Variants in KATNIP observed in about 807,000 individuals in gnomAD.
KATNIP encodes the protein katanin interacting protein, also known as katanin-interacting protein.
In KATNIP, 126 loss-of-function variants were observed where a neutral mutation model predicts 174.0. That is an observed-to-expected ratio of 0.72 (90% CI 0.63 to 0.84). The LOEUF is 0.84. Ranked by LOEUF, KATNIP falls within the 40% of genes least tolerant of loss-of-function variation. KATNIP has a pLI of 0.00. For synonymous variants in KATNIP, 810 were observed against 835.7 expected, an observed-to-expected ratio of 0.97 and a Z score of 0.53; for missense variants, 1,958 against 2,109.7, an observed-to-expected ratio of 0.93 and a Z score of 1.41.
chr16:27,751,985 G>A (rs1360757290), intron 17 of KATNIP, 61 bp downstream of exon 17: 4 of 1,359,364 alleles, frequency 2.9e-6, no homozygotes, highest in Non-Finnish European at 4.0e-6. Context: ...CCCTAACTCA[G>A]AGTAGAGCAG....
intron 2 of KATNIP, among the ~76,000 whole-genome samples, chr16:27,597,258 A>T (rs886195): frequency 0.81 from 122,813 of 151,934 alleles, 49,833 homozygotes; most frequent in East Asian, 1. Context: ...TGCTAATCCC[A>T]CCCCTCCCTA....
chr16:27,727,450 G>A (rs2080493513), intron 14 of KATNIP: 1 of 152,768 alleles, frequency 6.5e-6, no homozygotes, highest in African/African-American at 2.4e-5. Flanking sequence ...TTACAGGCGT[G>A]AGCCACCACG....
At chr16:27,721,746 T>C (rs771538776) in intron 14 of KATNIP, 51 bp downstream of exon 14, 1 of 1,591,008 alleles carries the variant, frequency 6.3e-7, no homozygotes, top group Non-Finnish European at 8.6e-7. Flanking sequence ...ATGGAAGCAC[T>C]TAGCAGTTTG....
At chr16:27,667,387 G>A (rs776069877) in intron 6 of KATNIP, among the ~76,000 whole-genome samples, 1 of 152,088 alleles carries the variant, frequency 6.6e-6, no homozygotes, top group East Asian at 1.9e-4. Flanking sequence ...TAACTCTTCA[G>A]TGCTGGGTAA....
rs538934615 is a variant in KATNIP at position 27,769,875 on chromosome 16, C to T, written c.3990C>T (p.His1330=). ...TTGTTTGCCAGGCCAAGATTGTCCACGTCTCCCTGGATGGCCTGTGCGTCT... is the reference window on the plus strand; with the variant it reads ...TTGTTTGCCAGGCCAAGATTGTCCATGTCTCCCTGGATGGCCTGTGCGTCT... ...EDTYRGAKIV[H]VSLDGLCVSP... Residue 1330 remains histidine, a synonymous_variant, in exon 21 of 28, where the codon CAC becomes CAT. Transcript: ENST00000261588. 21 of 1,613,942 alleles carry T rather than the reference C, an allele frequency of 1.3e-5. No individual in the cohort carries two copies. The East Asian group carries it at 2.9e-4, about 22-fold the overall frequency.
rs1335967283 is a variant in KATNIP, at chr16:27,714,360, A to G, written c.1605+5440A>G. 3.3e-5 allele frequency among the ~76,000 whole-genome samples: 5 copies of G among 152,070 alleles called. No individual in the cohort carries two copies. The East Asian group carries it at 9.6e-4, about 29-fold the overall frequency. ...CCCAGTACATAAAAATGTGCCATAT[A>G]TATTTTTTTGTTTTTTTAAACAGAA... is the stretch of plus-strand genomic sequence containing the variant. On this transcript the variant is annotated intron_variant, in intron 13 of 27. Transcript: ENST00000261588.
At chr16:27,671,791 C>T (rs1345560060) in intron 6 of KATNIP, among the ~76,000 whole-genome samples, 1 of 152,152 alleles carries the variant, frequency 6.6e-6, no homozygotes, top group Non-Finnish European at 1.5e-5. Flanking sequence ...CGCAGTGGCT[C>T]GCGCCTGTAA....
chr16:27,569,940 G>T (rs1033470041), intron 1 of KATNIP, among the ~76,000 whole-genome samples: 1 of 151,992 alleles, frequency 6.6e-6, no homozygotes, highest in Admixed American at 6.6e-5. Flanking sequence ...TAGAGACAAG[G>T]TCTTGCTATG....
chr16:27,621,073 A>C (rs2076179991), intron 3 of KATNIP, among the ~76,000 whole-genome samples: 1 of 152,136 alleles, frequency 6.6e-6, no homozygotes, highest in Admixed American at 6.5e-5. Context: ...CTAAGGCAGG[A>C]GGATCGCTTG....
rs1597421576 is a variant in KATNIP at position 27,771,450 on chromosome 16, T to C, written c.4134-138T>C. On this transcript the variant is annotated intron_variant, in intron 21 of 27. Transcript: ENST00000261588. Reference sequence around the variant, plus strand: ...CGGGAACTCCACACGAGCAGGGGCCTCATCTCTCTTTTCCCTGCTGCATCC... The same window carrying C: ...CGGGAACTCCACACGAGCAGGGGCCCCATCTCTCTTTTCCCTGCTGCATCC... The C allele has an allele frequency of 5.7e-6, 4 of 706,370 alleles. No homozygotes were observed. The East Asian group carries it at 1.1e-4, about 20-fold the overall frequency. The allele number at this position is 706,370 out of a possible 1,614,324, so 43.8% of individuals were successfully genotyped here. A position where few individuals can be genotyped will look rare whatever the true frequency, so the allele number is the denominator to read the frequency against.
chr16:27,763,795 C>G (rs2082033770), intron 19 of KATNIP, among the ~76,000 whole-genome samples: 1 of 152,138 alleles, frequency 6.6e-6, no homozygotes, highest in African/African-American at 2.4e-5. Flanking sequence ...TTAAGCCTCT[C>G]TAGGTTCTCT....
intron 13 of KATNIP, among the ~76,000 whole-genome samples, chr16:27,713,318 G>A (rs2079667302): frequency 6.6e-6 from 1 of 152,012 alleles, no homozygotes; most frequent in South Asian, 2.1e-4. Flanking sequence ...ATATATGTAT[G>A]TATGTATTGC....
intron 18 of KATNIP, 84 bp downstream of exon 18, chr16:27,754,335 T>G: frequency 8.6e-7 from 1 of 1,168,712 alleles, no homozygotes; most frequent in Non-Finnish European, 1.3e-6. Context: ...GGACAGGGTT[T>G]CGCTGGACAA....
chr16:27,740,189 A>G lies in KATNIP; in HGVS notation c.1892A>G (p.Glu631Gly), dbSNP rs1400351967. Residue 631 changes from glutamate to glycine, a missense_variant, in exon 15 of 28, where the codon GAG (glutamate) becomes GGG (glycine). Around this residue, in one of 3 missense-constraint regions of KATNIP, gnomAD observed 1,557 missense variants for 1,617.8 expected, o/e 0.96. Transcript: ENST00000261588. ...AACGAGAAGAGCGAGCAACTAGAGG[A>G]GGCCATGAACGCTCACTCGGAAGAA... ...QKNEKSEQLEEAMNAHSEESK... is the reference protein window; with the variant it reads ...QKNEKSEQLEGAMNAHSEESK... 1.4e-5 allele frequency: 22 copies of G among 1,614,064 alleles called. No individual in the cohort carries two copies. Among genetic ancestry groups the G allele is most frequent in the Non-Finnish European group, 1.9e-5 (22 of 1,180,044 alleles).
intron 22 of KATNIP, 138 bp from the exon 23 acceptor site, chr16:27,772,961 C>T (rs2082362000): frequency 1.6e-6 from 1 of 606,932 alleles, no homozygotes; most frequent in African/African-American, 1.9e-5. Flanking sequence ...TTGATAGGCT[C>T]TAGTTGCAAT....
At chr16:27,620,797 C>T (rs924030201) in intron 3 of KATNIP, among the ~76,000 whole-genome samples, 5 of 152,108 alleles carry the variant, frequency 3.3e-5, no homozygotes, top group African/African-American at 9.7e-5. Flanking sequence ...ACACAGCTTC[C>T]CATAAGAAGC....
intron 13 of KATNIP, among the ~76,000 whole-genome samples, chr16:27,709,894 T>C (rs1219789313): frequency 6.6e-6 from 1 of 152,118 alleles, no homozygotes; most frequent in Non-Finnish European, 1.5e-5. Flanking sequence ...TTGAAGAAAC[T>C]ACAGCTTGGA....
intron 8 of KATNIP, among the ~76,000 whole-genome samples, chr16:27,681,992 A>C (rs1011951014): frequency 1.3e-5 from 2 of 152,260 alleles, no homozygotes; most frequent in Non-Finnish European, 2.9e-5. Context: ...TTGACCAGAT[A>C]TCTGGGTTTC....
At chr16:27,551,933 T>C (rs1033807897) in intron 1 of KATNIP, among the ~76,000 whole-genome samples, 3 of 151,822 alleles carry the variant, frequency 2.0e-5, no homozygotes, top group Non-Finnish European at 4.4e-5. Context: ...CCATGTGCAG[T>C]GCCTCACACC....
Sources: gnomAD v4.1 joint callset for allele counts (sites outside exome capture counted in the v4.1 genomes callset) on GRCh38, gnomAD v4.1.1 for gene constraint, gnomAD v4.1.1 regional missense constraint, MANE v1.5 for transcripts, NCBI Gene and HGNC (gene_info 2026-07-23, HGNC 2026-07-21) for gene names.